SNX10: variants seen among roughly 807,000 people sequenced by gnomAD.
SNX10 encodes the protein sorting nexin-10.
In SNX10, 25 loss-of-function variants were observed where a neutral mutation model predicts 28.5. The ratio of observed to expected loss-of-function variants is 0.88; its 90% CI spans 0.64 to 1.22. The LOEUF (loss-of-function observed/expected upper bound fraction) is 1.22, where lower values mean the gene tolerates loss of function less well. SNX10 is among the 50% of genes most tolerant of loss of function. The pLI is 0.00. For synonymous variants in SNX10, 62 were observed against 81.4 expected (o/e 0.76, Z 1.28); for missense variants, 223 against 242.6 (o/e 0.92, Z 0.54).
chr7:26,363,875 G>A (rs2128023663), intron 3 of SNX10, among the ~76,000 whole-genome samples: 1 of 152,266 alleles, frequency 6.6e-6, no homozygotes, highest in East Asian at 1.9e-4. Flanking sequence ...TTAGTACTGA[G>A]GAAACTGAAG....
chr7:26,341,827 G>A (rs1206326159), intron 1 of SNX10, among the ~76,000 whole-genome samples: 1 of 151,912 alleles, frequency 6.6e-6, no homozygotes, highest in Non-Finnish European at 1.5e-5. Context: ...GTAGCCTGGG[G>A]AGTTTGGAAA....
chr7:26,305,117 A>C (rs1358411680), intron 1 of SNX10, among the ~76,000 whole-genome samples: 3 of 152,234 alleles, frequency 2.0e-5, no homozygotes, highest in Admixed American at 2.0e-4. Context: ...TTGTTAGTTG[A>C]GTGGACTTCA....
chr7:26,339,277 C>T (rs369563815), intron 1 of SNX10, among the ~76,000 whole-genome samples: 1 of 152,104 alleles, frequency 6.6e-6, no homozygotes, highest in African/African-American at 2.4e-5. Flanking sequence ...TTTGCAAAGG[C>T]GGTTTCAGGA....
chr7:26,363,662 A>T (rs1287344273), intron 3 of SNX10, among the ~76,000 whole-genome samples: 1 of 152,114 alleles, frequency 6.6e-6, no homozygotes, highest in African/African-American at 2.4e-5. Context: ...CTCTCGTCTT[A>T]TGTTTACCCA....
At chr7:26,319,578 C>A (rs1584111608) in intron 1 of SNX10, among the ~76,000 whole-genome samples, 1 of 152,182 alleles carries the variant, frequency 6.6e-6, no homozygotes, top group East Asian at 1.9e-4. Context: ...TCATTACAAA[C>A]ATATTGGTCT....
At chr7:26,301,388 C>G (rs1478464475) in intron 1 of SNX10, among the ~76,000 whole-genome samples, 1 of 152,150 alleles carries the variant, frequency 6.6e-6, no homozygotes, top group African/African-American at 2.4e-5. Context: ...GTCTTGAGCT[C>G]CTTTTTAGAT....
At chr7:26,300,578 T>G (rs1040561898) in intron 1 of SNX10, among the ~76,000 whole-genome samples, 9 of 152,130 alleles carry the variant, frequency 5.9e-5, no homozygotes, top group Admixed American at 5.9e-4. Flanking sequence ...CCTCTGAATT[T>G]CCAGGTGAGT....
intron 1 of SNX10, among the ~76,000 whole-genome samples, chr7:26,333,479 G>A (rs1433153863): frequency 9.2e-5 from 14 of 151,710 alleles, no homozygotes; most frequent in East Asian, 3.9e-4. Context: ...GCCCGCCACC[G>A]CACCCGGCTA....
intron 2 of SNX10, among the ~76,000 whole-genome samples, chr7:26,354,425 A>G (rs2128017429): frequency 6.6e-6 from 1 of 152,276 alleles, no homozygotes; most frequent in South Asian, 2.1e-4. Context: ...AGCTCACTGC[A>G]ACCTCCCACC....
intron 3 of SNX10, among the ~76,000 whole-genome samples, chr7:26,361,515 T>C (rs1483122177): frequency 2.0e-5 from 3 of 152,254 alleles, no homozygotes; most frequent in African/African-American, 7.2e-5. Flanking sequence ...ATTATTGTGA[T>C]TAATTTATCT....
rs1789207895 is a variant in SNX10 at position 26,364,416 on chromosome 7, T to C, written c.112-119T>C. ...CAGAGTACTGGCATAAATATAAATA[T>C]ATGTTTGGTGGTTTAAATCCTATTT... On this transcript the variant is annotated intron_variant, in intron 3 of 6. Coordinates refer to ENST00000338523, the MANE Select transcript of SNX10 (RefSeq NM_013322.3). This position sits in a 1 kb window ranked among gnomAD's most constrained non-coding sequence, Gnocchi z 4.9. 1.4e-6 allele frequency: 2 copies of C among 1,402,044 alleles called. No homozygotes were observed. Among genetic ancestry groups the C allele is most frequent in the Non-Finnish European group, 1.9e-6 (2 of 1,074,886 alleles). 86.9% of individuals were successfully genotyped at this position (1,402,044 alleles called of 1,614,324 possible).
chr7:26,371,803 CT>C lies in SNX10; in HGVS notation c.312-8del, dbSNP rs201825204. ...CCATCCTGTTCACCAATTATTTTTC[CT>C]TTTTTTTTTAATATAGAGTCCTACA... On this transcript the variant is annotated splice_polypyrimidine_tract_variant and intron_variant, in intron 5 of 6. Transcript: ENST00000338523. 0.012 allele frequency: 14,940 copies of C among 1,218,084 alleles called. No individual in the cohort carries two copies. Among genetic ancestry groups the C allele is most frequent in the South Asian group, 0.014 (862 of 63,274 alleles). 75.5% of individuals were successfully genotyped at this position (1,218,084 alleles called of 1,614,324 possible).
intron 1 of SNX10, among the ~76,000 whole-genome samples, chr7:26,336,702 C>T (rs1787958720): frequency 6.6e-6 from 1 of 152,074 alleles, no homozygotes; most frequent in Non-Finnish European, 1.5e-5. Flanking sequence ...GAGACTGTCT[C>T]AAAAAATAAC....
chr7:26,325,245 T>C (rs1787453808), intron 1 of SNX10, among the ~76,000 whole-genome samples: 1 of 147,396 alleles, frequency 6.8e-6, no homozygotes, highest in African/African-American at 2.5e-5. Flanking sequence ...CAAAGCAATG[T>C]TACAGTTAAA....
At chr7:26,316,195 A>AC (rs1787081453) in intron 1 of SNX10, among the ~76,000 whole-genome samples, 1 of 152,044 alleles carries the variant, frequency 6.6e-6, no homozygotes, top group Non-Finnish European at 1.5e-5. Context: ...AAAAAAAAAA[A>AC]AACAAAAAAC....
intron 1 of SNX10, among the ~76,000 whole-genome samples, chr7:26,324,164 C>T (rs1161039413): frequency 1.3e-5 from 2 of 151,840 alleles, no homozygotes; most frequent in Non-Finnish European, 1.5e-5. Flanking sequence ...TAAGATAACC[C>T]CTTATTCAGA....
rs982361856 is a variant in SNX10, at chr7:26,351,646, G to GTTTTTT, written c.24+5187_24+5192dup. ...AAAACTAAAGCAATCAAGCAGTCTG[G>GTTTTTT]TTTTTTTTTTTTGTTTTTTTTTTTT... On this transcript the variant is annotated intron_variant, in intron 2 of 6. Coordinates refer to ENST00000338523, the MANE Select transcript of SNX10 (RefSeq NM_013322.3). 1.3e-3 allele frequency among the ~76,000 whole-genome samples: 149 copies of GTTTTTT among 112,602 alleles called. 12 individuals are homozygous for GTTTTTT. The highest frequency in any genetic ancestry group is 4.0e-3 in the African/African-American group (124 of 30,800). The allele number at this position is 112,602 out of a possible 152,430, so 73.9% of individuals were successfully genotyped here. A position where few individuals can be genotyped will look rare whatever the true frequency, so the allele number is the denominator to read the frequency against.
chr7:26,371,838 T>C lies in SNX10; in HGVS notation c.329T>C (p.Leu110Pro). The change falls in exon 6 of 7, where the codon CTT (leucine) becomes CCT (proline). Residue 110 changes from leucine to proline, a missense_variant. Coordinates refer to ENST00000338523, the MANE Select transcript of SNX10 (RefSeq NM_013322.3). ...DFLRKVLQNA[L>P]LLSDSSLHLF... ...TAATATAGAGTCCTACAGAATGCACTTTTGCTTTCAGATAGCAGCCTTCAC... is the reference window on the plus strand; with the variant it reads ...TAATATAGAGTCCTACAGAATGCACCTTTGCTTTCAGATAGCAGCCTTCAC... 1.2e-6 allele frequency: 2 copies of C among 1,612,930 alleles called. No homozygotes were observed. Among genetic ancestry groups the C allele is most frequent in the Non-Finnish European group, 1.7e-6 (2 of 1,179,058 alleles).
chr7:26,345,073 G>A (rs1788331284), intron 1 of SNX10, among the ~76,000 whole-genome samples: 1 of 152,046 alleles, frequency 6.6e-6, no homozygotes, highest in Non-Finnish European at 1.5e-5. Flanking sequence ...CTCTTATATG[G>A]GCACTTGCCA....
Sources: allele counts gnomAD v4.1 joint callset (sites outside exome capture counted in the v4.1 genomes callset), GRCh38; gene constraint gnomAD v4.1.1; non-coding constraint Gnocchi (gnomAD v3.1); transcripts MANE v1.5; gene names NCBI Gene and HGNC (gene_info 2026-07-23, HGNC 2026-07-21).